The following TEAD1 variants were observed in gnomAD, a reference collection of about 807,000 sequenced individuals.
TEAD1 encodes the protein transcriptional enhancer factor TEF-1.
TEAD1 carries 9 observed loss-of-function variants against 54.9 expected under a neutral mutation model. The observed-to-expected ratio is 0.16, with a 90% CI of 0.10 to 0.29. The LOEUF (loss-of-function observed/expected upper bound fraction) is 0.29. Ranked by LOEUF, TEAD1 falls within the 10% of genes least tolerant of loss-of-function variation. The pLI, the probability that TEAD1 is intolerant of heterozygous loss-of-function variation, is 1.00. For missense variants in TEAD1, 387 were observed against 535.9 expected, an observed-to-expected ratio of 0.72 and a Z score of 2.74; for synonymous variants, 200 against 187.8, an observed-to-expected ratio of 1.07 and a Z score of -0.53.
At chr11:12,764,527 T>C (rs2133926034) in intron 3 of TEAD1, 93 bp downstream of exon 3, 2 of 1,418,564 alleles carry the variant, frequency 1.4e-6, no homozygotes. Context: ...AGCTGTTCAT[T>C]GTATGGGGTT....
intron 5 of TEAD1, among the ~76,000 whole-genome samples, chr11:12,872,759 C>T (rs931144557): frequency 6.6e-6 from 1 of 152,158 alleles, no homozygotes; most frequent in African/African-American, 2.4e-5. Flanking sequence ...CCTAGAATGA[C>T]ATCTATCCAA....
intron 10 of TEAD1, among the ~76,000 whole-genome samples, chr11:12,912,749 C>G (rs1468529311): frequency 3.3e-5 from 5 of 152,064 alleles, no homozygotes; most frequent in Non-Finnish European, 5.9e-5. Context: ...AGATACTTCT[C>G]TTTTTTTTAA....
At chr11:12,874,955 C>T (rs1414711132) in intron 5 of TEAD1, among the ~76,000 whole-genome samples, 1 of 152,092 alleles carries the variant, frequency 6.6e-6, no homozygotes, top group African/African-American at 2.4e-5. Context: ...TGAACTTGTC[C>T]AAACATTTTT....
chr11:12,728,397 A>G (rs1004993667), intron 2 of TEAD1, among the ~76,000 whole-genome samples: 21 of 152,288 alleles, frequency 1.4e-4, no homozygotes, highest in Non-Finnish European at 1.5e-4. Flanking sequence ...TATGTACTTC[A>G]AAGGTGTAGC....
At chr11:12,816,899 T>C (rs1946427329) in intron 3 of TEAD1, among the ~76,000 whole-genome samples, 1 of 152,196 alleles carries the variant, frequency 6.6e-6, no homozygotes. Context: ...TCCCTGTTCT[T>C]CAAGATGCCT....
At chr11:12,852,556 C>T (rs1378606262) in intron 3 of TEAD1, among the ~76,000 whole-genome samples, 1 of 151,804 alleles carries the variant, frequency 6.6e-6, no homozygotes, top group Non-Finnish European at 1.5e-5. Flanking sequence ...CAAGCAATTC[C>T]CTTGCCTCAG....
At chr11:12,836,211 G>T (rs968755026) in intron 3 of TEAD1, among the ~76,000 whole-genome samples, 1 of 152,084 alleles carries the variant, frequency 6.6e-6, no homozygotes, top group Non-Finnish European at 1.5e-5. Context: ...ATGAGGTCAG[G>T]AGATGAAGAC....
At chr11:12,746,909 G>A (rs1220834874) in intron 2 of TEAD1, among the ~76,000 whole-genome samples, 1 of 152,248 alleles carries the variant, frequency 6.6e-6, no homozygotes, top group African/African-American at 2.4e-5. Context: ...GGCGGGCTGG[G>A]GGTTCACCAG....
intron 2 of TEAD1, among the ~76,000 whole-genome samples, chr11:12,678,358 GTGC>G (rs1354256013): frequency 1.3e-5 from 2 of 152,204 alleles, no homozygotes; most frequent in Non-Finnish European, 2.9e-5. Context: ...AACCTAGGCT[GTGC>G]TGCTGCTGGG....
At chr11:12,731,860 T>C (rs1354426409) in intron 2 of TEAD1, among the ~76,000 whole-genome samples, 1 of 152,198 alleles carries the variant, frequency 6.6e-6, no homozygotes, top group Non-Finnish European at 1.5e-5. Context: ...GCCCGTTTGC[T>C]GTCTTAAAAT....
chr11:12,802,652 A>C (rs976747155), intron 3 of TEAD1, among the ~76,000 whole-genome samples: 2 of 152,128 alleles, frequency 1.3e-5, no homozygotes, highest in African/African-American at 4.8e-5. Flanking sequence ...TTATGAATCC[A>C]GGTCAAGATG....
chr11:12,730,694 C>CTTTTTTT (rs71313457), intron 2 of TEAD1, among the ~76,000 whole-genome samples: 5 of 65,640 alleles, frequency 7.6e-5, no homozygotes, highest in African/African-American at 1.3e-4. Flanking sequence ...CTACATAGCT[C>CTTTTTTT]TTTTTTTTTT....
chr11:12,754,259 TTA>T (rs1316316729), intron 2 of TEAD1, among the ~76,000 whole-genome samples: 1 of 152,226 alleles, frequency 6.6e-6, no homozygotes, highest in Non-Finnish European at 1.5e-5. Context: ...TGTCTCACTT[TTA>T]TCCAGCATCC....
intron 3 of TEAD1, among the ~76,000 whole-genome samples, chr11:12,818,977 G>A (rs1277265320): frequency 6.6e-6 from 1 of 152,156 alleles, no homozygotes; most frequent in Non-Finnish European, 1.5e-5. Flanking sequence ...CCTCAAATCA[G>A]GACTCATATA....
intron 11 of TEAD1, among the ~76,000 whole-genome samples, chr11:12,925,645 AGCTGTGCCCTGCTCAGCCAGT>A (rs1435893095): frequency 6.6e-6 from 1 of 152,250 alleles, no homozygotes; most frequent in African/African-American, 2.4e-5. Context: ...GTCTGAAGTC[AGCTGTGCCCTGCTCAGCCAGT>A]GCTGTGCACC....
At chr11:12,884,272 A>G (rs1948040964) in intron 9 of TEAD1, among the ~76,000 whole-genome samples, 2 of 152,018 alleles carry the variant, frequency 1.3e-5, no homozygotes, top group South Asian at 4.1e-4. Flanking sequence ...TGAGCGTTGC[A>G]TCTGTGTGTG....
At chr11:12,706,884 GTTA>G (rs1250418698) in intron 2 of TEAD1, among the ~76,000 whole-genome samples, 7 of 152,122 alleles carry the variant, frequency 4.6e-5, no homozygotes, top group South Asian at 2.1e-4. Flanking sequence ...AAGAGCAGGT[GTTA>G]TCCCCATTTT....
chr11:12,727,440 C>T (rs1944335325), intron 2 of TEAD1, among the ~76,000 whole-genome samples: 1 of 152,168 alleles, frequency 6.6e-6, no homozygotes, highest in African/African-American at 2.4e-5. Flanking sequence ...ATCTCTGAAC[C>T]TTGCTGCCCT....
At chr11:12,845,201 G>C (rs534450650) in intron 3 of TEAD1, among the ~76,000 whole-genome samples, 2 of 152,122 alleles carry the variant, frequency 1.3e-5, no homozygotes, top group Admixed American at 1.3e-4. Flanking sequence ...CTGACCTCAA[G>C]TGATCCACCC....
Sources: gnomAD v4.1 joint callset for allele counts (sites outside exome capture counted in the v4.1 genomes callset) on GRCh38, gnomAD v4.1.1 for gene constraint, MANE v1.5 for transcripts, NCBI Gene and HGNC (gene_info 2026-07-23, HGNC 2026-07-21) for gene names.